SLC7A9: variants seen among roughly 807,000 people sequenced by gnomAD.
SLC7A9 encodes solute carrier family 7 member 9.
SLC7A9 carries 38 observed loss-of-function variants against 54.1 expected under a neutral mutation model. That is an observed-to-expected ratio of 0.70 (90% CI 0.54 to 0.92). The LOEUF is 0.92. Among genes scored for constraint, SLC7A9 ranks in the 40% least tolerant of loss-of-function variants. The pLI, the probability that SLC7A9 is intolerant of heterozygous loss-of-function variation, is 0.00. For missense variants in SLC7A9, 537 were observed against 636.1 expected (o/e 0.84, Z 1.68); for synonymous variants, 264 against 258.9 (o/e 1.02, Z -0.19).
rs536762143 is a variant in SLC7A9, at chr19:32,856,554, CAAT to C, written c.977+1883_977+1885del. On this transcript the variant is annotated intron_variant, in intron 9 of 12. Coordinates refer to ENST00000023064, the MANE Select transcript of SLC7A9 (RefSeq NM_014270.5). Reference sequence around the variant, plus strand: ...GTGAGGTGATACATATGCCATTCCACAATGTTTACATGTATTGAAACATCACAC... The same window carrying C: ...GTGAGGTGATACATATGCCATTCCACGTTTACATGTATTGAAACATCACAC... 2.3e-4 allele frequency among the ~76,000 whole-genome samples: 35 copies of C among 152,252 alleles called. 1 individual carries two copies. The South Asian group carries it at 6.0e-3, about 26-fold the overall frequency.
At chr19:32,852,905 C>CTTTTTTT (rs56119122) in intron 9 of SLC7A9, among the ~76,000 whole-genome samples, 5 of 97,592 alleles carry the variant, frequency 5.1e-5, no homozygotes, top group Non-Finnish European at 7.6e-5. Flanking sequence ...AAGCTATAAA[C>CTTTTTTT]TTTTTTTTTT....
Position 32,868,591 on chromosome 19 carries a change from TCAG to T in SLC7A9, c.-60_-58del. ...GGAGGGCGCACAGCTAAATCTTGGT[TCAG>T]CAGCAGCAGACAAGACGCAAGTGCA... is the stretch of plus-strand genomic sequence containing the variant. On this transcript the variant is annotated 5_prime_UTR_variant, in exon 2 of 13. Coordinates refer to ENST00000023064, the MANE Select transcript of SLC7A9 (RefSeq NM_014270.5). 3.4e-6 allele frequency: 5 copies of T among 1,464,594 alleles called. No individual in the cohort carries two copies. The highest frequency in any genetic ancestry group is 4.8e-6 in the Non-Finnish European group (5 of 1,044,202). 90.7% of individuals were successfully genotyped at this position (1,464,594 alleles called of 1,614,324 possible).
intron 12 of SLC7A9, chr19:32,832,653 A>G: frequency 5.9e-6 from 1 of 170,108 alleles, no homozygotes; most frequent in Non-Finnish European, 1.2e-5. Context: ...GGCTTAGGCC[A>G]GTAGTCCCAG....
chr19:32,839,867 C>T (rs1400593353), intron 11 of SLC7A9, among the ~76,000 whole-genome samples: 1 of 152,150 alleles, frequency 6.6e-6, no homozygotes, highest in Non-Finnish European at 1.5e-5. Flanking sequence ...TATATTTTTG[C>T]TGCCAATTTT....
chr19:32,855,002 T>A (rs542252419), intron 9 of SLC7A9, among the ~76,000 whole-genome samples: 32 of 152,318 alleles, frequency 2.1e-4, no homozygotes, highest in Non-Finnish European at 4.0e-4. Flanking sequence ...TGCACTCCCA[T>A]GTTCATTACA....
At chr19:32,860,535 C>G in intron 7 of SLC7A9, 71 bp downstream of exon 7, 1 of 1,612,766 alleles carries the variant, frequency 6.2e-7, no homozygotes, top group South Asian at 1.1e-5. Context: ...AGGGAAATAG[C>G]TCCAGCCTTC....
chr19:32,860,405 A>G, intron 7 of SLC7A9: 1 of 1,375,618 alleles, frequency 7.3e-7, no homozygotes, highest in Non-Finnish European at 9.6e-7. Flanking sequence ...AAAAAAATAC[A>G]AAAATGAGTG....
chr19:32,860,237 CTA>C, intron 7 of SLC7A9: 1 of 1,419,580 alleles, frequency 7.0e-7, no homozygotes, highest in South Asian at 1.5e-5. Flanking sequence ...AAACCAAACT[CTA>C]AGCGTGCATA....
intron 10 of SLC7A9, among the ~76,000 whole-genome samples, chr19:32,843,466 A>T (rs757348702): frequency 2.0e-5 from 3 of 151,992 alleles, no homozygotes; most frequent in Non-Finnish European, 2.9e-5. Flanking sequence ...GTATCAAAAA[A>T]AAAGTCAAAG....
At chr19:32,860,009 TC>T in intron 7 of SLC7A9, 45 bp from the exon 8 acceptor site, 1 of 1,613,620 alleles carries the variant, frequency 6.2e-7, no homozygotes, top group Non-Finnish European at 8.5e-7. Context: ...GACCACAGCC[TC>T]CCGCGGAAGA....
intron 9 of SLC7A9, among the ~76,000 whole-genome samples, chr19:32,851,273 C>T (rs1165604066): frequency 1.3e-5 from 2 of 151,852 alleles, no homozygotes; most frequent in Middle Eastern, 3.4e-3. Context: ...GCAACCTACT[C>T]ATCTGACAAA....
At position 32,864,220 on chromosome 19, in the gene SLC7A9, G is replaced by T. The variant is rs369365355; in HGVS notation, c.354C>A (p.Ile118=). 6.2e-7 allele frequency: 1 copy of T among 1,614,184 alleles called. No homozygotes were observed. The highest frequency in any genetic ancestry group is 1.7e-5 in the Admixed American group (1 of 60,026). The change falls in exon 4 of 13, where the codon ATC becomes ATA. Residue 118 remains isoleucine, a synonymous_variant. Coordinates refer to ENST00000023064, the MANE Select transcript of SLC7A9 (RefSeq NM_014270.5). ...TGGCGAAGGACGTGGGCTTAATGACGATCAGGCTGGCCCAGGAGAAGAGGT... is the reference window on the plus strand; with the variant it reads ...TGGCGAAGGACGTGGGCTTAATGACTATCAGGCTGGCCCAGGAGAAGAGGT... ...PAYLFSWASL[I]VIKPTSFAII...
At chr19:32,865,225 G>A (rs1271074398) in intron 2 of SLC7A9, among the ~76,000 whole-genome samples, 3 of 152,188 alleles carry the variant, frequency 2.0e-5, no homozygotes, top group Non-Finnish European at 4.4e-5. Flanking sequence ...CATGCAGGGT[G>A]AGCAACGGAG....
chr19:32,860,061 A>T, intron 7 of SLC7A9, 97 bp from the exon 8 acceptor site: 1 of 1,605,120 alleles, frequency 6.2e-7, no homozygotes, highest in Non-Finnish European at 8.5e-7. Context: ...GAAGATTCGC[A>T]GGTAGCAGAG....
At chr19:32,852,091 G>A (rs560491910) in intron 9 of SLC7A9, among the ~76,000 whole-genome samples, 1 of 152,074 alleles carries the variant, frequency 6.6e-6, no homozygotes, top group East Asian at 1.9e-4. Context: ...GTTAATGGGT[G>A]CAGCACACCA....
chr19:32,864,810 C>T (rs775732341), intron 2 of SLC7A9, 34 bp from the exon 3 acceptor site: 3 of 1,613,596 alleles, frequency 1.9e-6, no homozygotes, highest in Non-Finnish European at 2.5e-6. Flanking sequence ...GCGTTAGTGC[C>T]ACGCCCGGAC....
intron 10 of SLC7A9, among the ~76,000 whole-genome samples, chr19:32,842,623 TTTTG>T (rs1470559564): frequency 6.6e-6 from 1 of 152,030 alleles, no homozygotes; most frequent in Non-Finnish European, 1.5e-5. Flanking sequence ...TTTTGTTTTG[TTTTG>T]TTTGAGATGG....
intron 6 of SLC7A9, among the ~76,000 whole-genome samples, chr19:32,860,962 A>C (rs999858855): frequency 1.6e-4 from 24 of 152,212 alleles, no homozygotes; most frequent in African/African-American, 5.8e-4. Flanking sequence ...TTTGTCTGAA[A>C]AGGGAATTAA....
chr19:32,868,693 A>G, intron 1 of SLC7A9, 48 bp from the exon 2 acceptor site: 1 of 699,308 alleles, frequency 1.4e-6, no homozygotes. Flanking sequence ...GGCCGCTGCC[A>G]GTCCCTCAGG....
Sources: gnomAD v4.1 joint callset for allele counts (sites outside exome capture counted in the v4.1 genomes callset) on GRCh38, gnomAD v4.1.1 for gene constraint, MANE v1.5 for transcripts, NCBI Gene and HGNC (gene_info 2026-07-23, HGNC 2026-07-21) for gene names.